The following RSRC1 variants were observed in gnomAD, a reference collection of about 807,000 sequenced individuals.
RSRC1 encodes serine/Arginine-related protein 53.
In RSRC1, 39 loss-of-function variants were observed where a neutral mutation model predicts 49.1. That is an observed-to-expected ratio of 0.79 (90% CI 0.61 to 1.04). The LOEUF (loss-of-function observed/expected upper bound fraction) is 1.04. Ranked by LOEUF, RSRC1 falls within the 50% of genes least tolerant of loss-of-function variation. The probability of loss-of-function intolerance (pLI) is 0.00; values close to 1 mark genes in which losing one functional copy is unlikely to be tolerated. For missense variants in RSRC1, 388 were observed against 402.4 expected (o/e 0.96, Z 0.31); for synonymous variants, 143 against 130.8 (o/e 1.09, Z -0.63).
At chr3:158,286,850 C>A (rs968673950) in intron 4 of RSRC1, among the ~76,000 whole-genome samples, 4 of 152,140 alleles carry the variant, frequency 2.6e-5, no homozygotes, top group Non-Finnish European at 5.9e-5. Flanking sequence ...ACACATGTTG[C>A]ACTTTTCGCT....
intron 4 of RSRC1, among the ~76,000 whole-genome samples, chr3:158,233,317 G>A (rs1388273308): frequency 6.6e-6 from 1 of 152,084 alleles, no homozygotes; most frequent in African/African-American, 2.4e-5. Context: ...TTAGTAGGAA[G>A]CTATCAGTTT....
At chr3:158,320,785 C>T (rs906169944) in intron 5 of RSRC1, among the ~76,000 whole-genome samples, 3 of 152,152 alleles carry the variant, frequency 2.0e-5, no homozygotes, top group Admixed American at 1.3e-4. Flanking sequence ...TCTCCTTATT[C>T]TAGCCCTTCC....
At chr3:158,347,030 T>G (rs928947498) in intron 5 of RSRC1, among the ~76,000 whole-genome samples, 2 of 152,240 alleles carry the variant, frequency 1.3e-5, no homozygotes, top group East Asian at 3.8e-4. Context: ...ATATACACTT[T>G]ATTGTAGTTC....
chr3:158,331,605 T>A (rs984177310), intron 5 of RSRC1, among the ~76,000 whole-genome samples: 1 of 152,134 alleles, frequency 6.6e-6, no homozygotes, highest in Admixed American at 6.5e-5. Flanking sequence ...ATGTGAATTC[T>A]TATTCTGTTA....
chr3:158,236,821 G>C (rs775174316), intron 4 of RSRC1, among the ~76,000 whole-genome samples: 1 of 152,166 alleles, frequency 6.6e-6, no homozygotes, highest in African/African-American at 2.4e-5. Flanking sequence ...CAAAGAGGAG[G>C]TTGGGGGTTT....
intron 5 of RSRC1, among the ~76,000 whole-genome samples, chr3:158,305,977 G>C (rs546134442): frequency 6.6e-6 from 1 of 152,098 alleles, no homozygotes; most frequent in Non-Finnish European, 1.5e-5. Context: ...AATTGTAACA[G>C]TTCCAGTTAA....
At chr3:158,481,750 C>T (rs1738621533) in intron 7 of RSRC1, among the ~76,000 whole-genome samples, 2 of 152,004 alleles carry the variant, frequency 1.3e-5, no homozygotes, top group South Asian at 4.1e-4. Flanking sequence ...ATGTTGAAAG[C>T]TTCTTGAAGA....
chr3:158,147,626 A>T (rs1717225803), intron 3 of RSRC1, among the ~76,000 whole-genome samples: 1 of 151,790 alleles, frequency 6.6e-6, no homozygotes, highest in South Asian at 2.1e-4. Context: ...TTATTTTTTC[A>T]TGTGGTTAAG....
chr3:158,332,892 C>G (rs1438498111), intron 5 of RSRC1, among the ~76,000 whole-genome samples: 1 of 151,254 alleles, frequency 6.6e-6, no homozygotes, highest in Non-Finnish European at 1.5e-5. Context: ...GAAAAATTGA[C>G]TGTTATGCTA....
At chr3:158,494,199 A>G (rs991631881) in intron 7 of RSRC1, among the ~76,000 whole-genome samples, 8 of 152,158 alleles carry the variant, frequency 5.3e-5, no homozygotes, top group Non-Finnish European at 8.8e-5. Flanking sequence ...CACCTCAACT[A>G]TATGGTATAG....
chr3:158,366,127 C>T (rs190329165), intron 6 of RSRC1, among the ~76,000 whole-genome samples: 131 of 152,246 alleles, frequency 8.6e-4, no homozygotes, highest in Non-Finnish European at 1.6e-3. Context: ...GTTTCTTTTG[C>T]TGTGCAGAAG....
intron 5 of RSRC1, among the ~76,000 whole-genome samples, chr3:158,322,774 T>C (rs1007851738): frequency 6.6e-6 from 1 of 152,190 alleles, no homozygotes; most frequent in African/African-American, 2.4e-5. Context: ...CACAGATAGC[T>C]AAGGCTCTGT....
chr3:158,284,501 T>C lies in RSRC1; in HGVS notation c.495-13538T>C, dbSNP rs879563804. ...CCACCATGGTTGAACTAGTTTACAG[T>C]CCCACCAACAGTGTAAAAGTGTTCC... On this transcript the variant is annotated intron_variant, in intron 4 of 9. Transcript: ENST00000611884. 1.3e-4 allele frequency among the ~76,000 whole-genome samples: 20 copies of C among 149,594 alleles called. No individual in the cohort carries two copies. In the South Asian group the frequency reaches 1.5e-3, roughly 11 times the overall value.
intron 7 of RSRC1, among the ~76,000 whole-genome samples, chr3:158,528,383 G>A (rs529588592): frequency 1.1e-4 from 17 of 151,914 alleles, no homozygotes; most frequent in South Asian, 4.1e-4. Context: ...ATCAATTAGC[G>A]GGGAAAAATC....
intron 1 of RSRC1, among the ~76,000 whole-genome samples, chr3:158,117,555 G>A (rs920209830): frequency 1.3e-5 from 2 of 152,098 alleles, no homozygotes; most frequent in Non-Finnish European, 1.5e-5. Flanking sequence ...GCCTGCCAAA[G>A]TGCTGATATT....
chr3:158,314,345 G>A (rs370305831), intron 5 of RSRC1, among the ~76,000 whole-genome samples: 4 of 151,862 alleles, frequency 2.6e-5, no homozygotes, highest in South Asian at 2.1e-4. Flanking sequence ...CACCCACCTC[G>A]GCCTCCCAGA....
intron 4 of RSRC1, chr3:158,225,637 T>C (rs1004665591): frequency 2.3e-6 from 1 of 443,732 alleles, no homozygotes; most frequent in Non-Finnish European, 4.5e-6. Flanking sequence ...ATTAATGAGT[T>C]ATTTGGGACT....
At chr3:158,381,171 C>G (rs1732676393) in intron 6 of RSRC1, among the ~76,000 whole-genome samples, 1 of 152,146 alleles carries the variant, frequency 6.6e-6, no homozygotes. Flanking sequence ...CACATGAACA[C>G]TTACAAACCA....
chr3:158,465,984 G>A (rs1200464676), intron 7 of RSRC1, among the ~76,000 whole-genome samples: 2 of 152,112 alleles, frequency 1.3e-5, no homozygotes, highest in Non-Finnish European at 2.9e-5. Flanking sequence ...CTAGCCATCT[G>A]TCTTATTTCC....
Sources: gnomAD v4.1 joint callset for allele counts (sites outside exome capture counted in the v4.1 genomes callset) on GRCh38, gnomAD v4.1.1 for gene constraint, MANE v1.5 for transcripts, NCBI Gene and HGNC (gene_info 2026-07-23, HGNC 2026-07-21) for gene names.